KCTD9: variants seen among roughly 807,000 people sequenced by gnomAD.
The protein encoded by KCTD9 is potassium channel tetramerization domain containing 9.
Under a neutral mutation model 53.3 loss-of-function variants are expected in KCTD9, and 17 were observed. That is an observed-to-expected ratio of 0.32 (90% CI 0.22 to 0.48). KCTD9 has a LOEUF of 0.48. Among genes scored for constraint, KCTD9 ranks in the 20% least tolerant of loss-of-function variants. The pLI, the probability that KCTD9 is intolerant of heterozygous loss-of-function variation, is 0.99. For synonymous variants in KCTD9, 128 were observed against 162.7 expected, an observed-to-expected ratio of 0.79 and a Z score of 1.62; for missense variants, 179 against 465.5, an observed-to-expected ratio of 0.38 and a Z score of 5.66.
At chr8:25,454,393 T>C (rs1335349496) in intron 1 of KCTD9, among the ~76,000 whole-genome samples, 1 of 152,212 alleles carries the variant, frequency 6.6e-6, no homozygotes, top group Admixed American at 6.5e-5. Context: ...GGCCTAGGAC[T>C]TGCACAGCTC....
rs868550060 is a variant in KCTD9, at chr8:25,458,405, G to C, written c.-159C>G. 1.3e-6 allele frequency: 1 copy of C among 784,828 alleles called. No individual in the cohort carries two copies. Among genetic ancestry groups the C allele is most frequent in the Non-Finnish European group, 2.1e-6 (1 of 473,334 alleles). The allele number at this position is 784,828 out of a possible 1,614,324, so 48.6% of individuals were successfully genotyped here. On this transcript the variant is annotated 5_prime_UTR_variant, in exon 1 of 12. Transcript: ENST00000221200. ...GGGACACACCACACGCACGCACTCTGTCCCACACCCAAGGTTCGGCCGGTC... is the reference window on the plus strand; with the variant it reads ...GGGACACACCACACGCACGCACTCTCTCCCACACCCAAGGTTCGGCCGGTC...
At chr8:25,449,235 T>C (rs531102120) in intron 1 of KCTD9, among the ~76,000 whole-genome samples, 13 of 152,218 alleles carry the variant, frequency 8.5e-5, no homozygotes, top group Non-Finnish European at 1.5e-4. Context: ...AAGCACCTCT[T>C]TCCCAATTCA....
chr8:25,444,419 C>T, intron 2 of KCTD9, 84 bp from the exon 3 acceptor site: 1 of 1,273,722 alleles, frequency 7.9e-7, no homozygotes, highest in Non-Finnish European at 1.1e-6. Context: ...CTATTCCTTA[C>T]AATTATATAG....
Position 25,458,299 on chromosome 8 carries a change from C to T in KCTD9, c.-53G>A, listed in dbSNP as rs897493345. On this transcript the variant is annotated 5_prime_UTR_variant, in exon 1 of 12. Coordinates refer to ENST00000221200, the MANE Select transcript of KCTD9 (RefSeq NM_017634.4). Reference sequence around the variant, plus strand: ...AGCCGCCACCCTCCCACCTGGTCCTCCTCCCACCTTTTTCTCCTCCCGCCC... The same window carrying T: ...AGCCGCCACCCTCCCACCTGGTCCTTCTCCCACCTTTTTCTCCTCCCGCCC... 6.2e-7 allele frequency: 1 copy of T among 1,601,174 alleles called. No homozygotes were observed. The highest frequency in any genetic ancestry group is 8.5e-7 in the Non-Finnish European group (1 of 1,171,760).
chr8:25,434,890 T>C (rs1305014738), intron 9 of KCTD9, among the ~76,000 whole-genome samples: 1 of 152,174 alleles, frequency 6.6e-6, no homozygotes, highest in African/African-American at 2.4e-5. Context: ...TATACACATA[T>C]ATGTAGAGAG....
At chr8:25,453,849 T>C (rs1802379653) in intron 1 of KCTD9, among the ~76,000 whole-genome samples, 1 of 152,138 alleles carries the variant, frequency 6.6e-6, no homozygotes, top group South Asian at 2.1e-4. Flanking sequence ...TTTTTATGTA[T>C]ATTCTTTATT....
intron 9 of KCTD9, 90 bp downstream of exon 9, chr8:25,435,273 G>C (rs1801996909): frequency 1.0e-5 from 8 of 787,120 alleles, no homozygotes; most frequent in Middle Eastern, 8.5e-4. Context: ...TCCAGTAAAA[G>C]ATAGTTATAA....
At chr8:25,430,966 G>T (rs1801917594) in intron 11 of KCTD9, among the ~76,000 whole-genome samples, 1 of 151,832 alleles carries the variant, frequency 6.6e-6, no homozygotes, top group Non-Finnish European at 1.5e-5. Flanking sequence ...AGTAGCTGGG[G>T]TTACAGGCAC....
At chr8:25,444,589 C>T (rs777941561) in intron 2 of KCTD9, among the ~76,000 whole-genome samples, 1 of 152,060 alleles carries the variant, frequency 6.6e-6, no homozygotes, top group South Asian at 2.1e-4. Flanking sequence ...CTTACACAAA[C>T]GATGTTGAGT....
At chr8:25,439,200 A>T in intron 6 of KCTD9, 79 bp downstream of exon 6, 1 of 1,110,112 alleles carries the variant, frequency 9.0e-7, no homozygotes, top group Middle Eastern at 3.1e-4. Flanking sequence ...ACTGTTACTG[A>T]GTGAAACAAA....
At chr8:25,456,511 G>C (rs1381543979) in intron 1 of KCTD9, among the ~76,000 whole-genome samples, 3 of 152,172 alleles carry the variant, frequency 2.0e-5, no homozygotes, top group Non-Finnish European at 4.4e-5. Flanking sequence ...GAGCAGTGAA[G>C]ATCATGGCTT....
intron 4 of KCTD9, 73 bp downstream of exon 4, chr8:25,440,504 G>A (rs1802102774): frequency 1.0e-6 from 1 of 980,514 alleles, no homozygotes; most frequent in South Asian, 1.3e-5. Context: ...AAGGAAATCA[G>A]CAAATTGAAG....
At chr8:25,449,344 T>C (rs1802275587) in intron 1 of KCTD9, among the ~76,000 whole-genome samples, 1 of 152,248 alleles carries the variant, frequency 6.6e-6, no homozygotes, top group East Asian at 1.9e-4. Flanking sequence ...GGCTTTCTTT[T>C]GCCTGATATC....
chr8:25,440,499 A>T (rs751588193), intron 4 of KCTD9, 78 bp downstream of exon 4: 11 of 950,698 alleles, frequency 1.2e-5, no homozygotes, highest in Non-Finnish European at 1.9e-5. Context: ...CTTTTAAGGA[A>T]ATCAGCAAAT....
intron 1 of KCTD9, among the ~76,000 whole-genome samples, chr8:25,452,545 C>A (rs532704794): frequency 6.6e-6 from 1 of 152,190 alleles, no homozygotes; most frequent in Non-Finnish European, 1.5e-5. Context: ...CCACCCCAGA[C>A]CTACTGAATA....
chr8:25,447,468 T>G (rs1051834973), intron 1 of KCTD9, among the ~76,000 whole-genome samples: 1 of 152,208 alleles, frequency 6.6e-6, no homozygotes, highest in African/African-American at 2.4e-5. Context: ...CCAAGATTTA[T>G]TATGTCAAGA....
At position 25,429,029 on chromosome 8, in the gene KCTD9, AC is replaced by A. The variant is rs1197465679; in HGVS notation, c.*827del. On this transcript the variant is annotated 3_prime_UTR_variant, in exon 12 of 12. Transcript: ENST00000221200. ...ATGCTTGTGATGACTGTATGAGAAA[AC>A]TAGGCTAATAGTGTAAATAGATAGA... is the stretch of plus-strand genomic sequence containing the variant. The A allele has an allele frequency of 6.6e-6, 1 of 152,190 alleles. No individual in the cohort carries two copies. Among genetic ancestry groups the A allele is most frequent in the Non-Finnish European group, 1.5e-5 (1 of 68,036 alleles). The allele number at this position is 152,190 out of a possible 1,614,324, so 9.4% of individuals were successfully genotyped here. A position where few individuals can be genotyped will look rare whatever the true frequency, so the allele number is the denominator to read the frequency against.
intron 1 of KCTD9, among the ~76,000 whole-genome samples, chr8:25,454,676 C>T (rs2117448664): frequency 6.6e-6 from 1 of 152,250 alleles, no homozygotes; most frequent in East Asian, 1.9e-4. Flanking sequence ...AAAATTTAAA[C>T]CAAAGATTCC....
At chr8:25,448,116 CGGAAAAGAAAAAA>C (rs1241377492) in intron 1 of KCTD9, among the ~76,000 whole-genome samples, 2 of 137,946 alleles carry the variant, frequency 1.4e-5, no homozygotes, top group Non-Finnish European at 3.1e-5. Context: ...CATGATGGGA[CGGAAAAGAAAAAA>C]GGAAAGGAAA....
Sources: gnomAD v4.1 joint callset for allele counts (sites outside exome capture counted in the v4.1 genomes callset) on GRCh38, gnomAD v4.1.1 for gene constraint, MANE v1.5 for transcripts, NCBI Gene and HGNC (gene_info 2026-07-23, HGNC 2026-07-21) for gene names.